The following ADAMTS12 variants were observed in gnomAD, a reference collection of about 807,000 sequenced individuals.
The protein encoded by ADAMTS12 is ADAM metallopeptidase with thrombospondin type 1 motif 12.
Under a neutral mutation model 167.8 loss-of-function variants are expected in ADAMTS12, and 118 were observed. That is an observed-to-expected ratio of 0.70 (90% CI 0.61 to 0.82). The LOEUF is 0.82. ADAMTS12 is among the 40% of genes least tolerant of loss of function. ADAMTS12 has a pLI of 0.00. For synonymous variants in ADAMTS12, 704 were observed against 716.9 expected (o/e 0.98, Z 0.29); for missense variants, 1,916 against 1,998.8 (o/e 0.96, Z 0.79).
chr5:33,573,515 A>T (rs1746502661), intron 19 of ADAMTS12, among the ~76,000 whole-genome samples: 1 of 152,184 alleles, frequency 6.6e-6, no homozygotes, highest in Admixed American at 6.5e-5. Context: ...CTATTTAATA[A>T]ATGGTGCTGG....
intron 2 of ADAMTS12, among the ~76,000 whole-genome samples, chr5:33,853,391 C>T (rs914092409): frequency 6.6e-6 from 1 of 152,108 alleles, no homozygotes; most frequent in Admixed American, 6.5e-5. Context: ...ACTCATCAAG[C>T]AGACAAGAAT....
intron 2 of ADAMTS12, among the ~76,000 whole-genome samples, chr5:33,785,029 T>C (rs998146030): frequency 2.1e-4 from 32 of 152,152 alleles, no homozygotes; most frequent in Non-Finnish European, 2.8e-4. Context: ...CATAGGTTAA[T>C]TAATTTTGAA....
At chr5:33,825,216 G>C (rs941533207) in intron 2 of ADAMTS12, among the ~76,000 whole-genome samples, 4 of 152,156 alleles carry the variant, frequency 2.6e-5, no homozygotes, top group Non-Finnish European at 1.5e-5. Flanking sequence ...AGGTCTCTTT[G>C]TGGAGGTGGC....
At chr5:33,553,091 G>A (rs1182335140) in intron 20 of ADAMTS12, among the ~76,000 whole-genome samples, 3 of 151,970 alleles carry the variant, frequency 2.0e-5, no homozygotes, top group Non-Finnish European at 2.9e-5. Flanking sequence ...AGACATACAC[G>A]CGGTCAACAA....
At chr5:33,581,328 C>A (rs1747053367) in intron 18 of ADAMTS12, among the ~76,000 whole-genome samples, 1 of 152,188 alleles carries the variant, frequency 6.6e-6, no homozygotes, top group African/African-American at 2.4e-5. Flanking sequence ...AACCTGTTAA[C>A]CTGCTCTTTG....
chr5:33,652,473 G>A (rs533968905), intron 7 of ADAMTS12, among the ~76,000 whole-genome samples: 3 of 151,898 alleles, frequency 2.0e-5, no homozygotes, highest in African/African-American at 7.2e-5. Flanking sequence ...TTTTTAATGG[G>A]GTTGTTTATT....
chr5:33,883,192 G>A (rs1750512419), intron 1 of ADAMTS12, among the ~76,000 whole-genome samples: 1 of 152,064 alleles, frequency 6.6e-6, no homozygotes. Context: ...CCAGAATCTT[G>A]CACATCACAG....
intron 2 of ADAMTS12, among the ~76,000 whole-genome samples, chr5:33,827,710 A>AATAGATAGATAGATAG (rs60023282): frequency 1.0e-5 from 1 of 99,004 alleles, no homozygotes; most frequent in Non-Finnish European, 2.4e-5. Context: ...GAGAAAACAA[A>AATAGATAGATAGATAG]ATAGATAGAT....
intron 2 of ADAMTS12, among the ~76,000 whole-genome samples, chr5:33,879,611 C>A (rs1750356151): frequency 6.6e-6 from 1 of 152,156 alleles, no homozygotes; most frequent in Non-Finnish European, 1.5e-5. Flanking sequence ...ATTCACCATT[C>A]TTGATTTTCT....
At chr5:33,600,092 T>C (rs1230487799) in intron 16 of ADAMTS12, among the ~76,000 whole-genome samples, 7 of 152,234 alleles carry the variant, frequency 4.6e-5, no homozygotes, top group Non-Finnish European at 1.0e-4. Flanking sequence ...CAGCACTAAG[T>C]TAACTGTTTA....
At chr5:33,703,525 CTT>C (rs1743077043) in intron 3 of ADAMTS12, among the ~76,000 whole-genome samples, 2 of 152,230 alleles carry the variant, frequency 1.3e-5, no homozygotes, top group African/African-American at 4.8e-5. Flanking sequence ...ATAATTGAAA[CTT>C]TGCACTCTTT....
At chr5:33,816,940 TA>T (rs1747679412) in intron 2 of ADAMTS12, among the ~76,000 whole-genome samples, 2 of 152,188 alleles carry the variant, frequency 1.3e-5, no homozygotes, top group Admixed American at 1.3e-4. Context: ...CCAAGCAACA[TA>T]AACTATTGTT....
intron 18 of ADAMTS12, among the ~76,000 whole-genome samples, chr5:33,579,172 A>G (rs953369037): frequency 6.6e-6 from 1 of 152,178 alleles, no homozygotes; most frequent in Non-Finnish European, 1.5e-5. Flanking sequence ...TCTGTGCTCC[A>G]TCTATTTTAG....
intron 9 of ADAMTS12, among the ~76,000 whole-genome samples, chr5:33,644,213 CCTCTCCTTT>C (rs1433035012): frequency 6.6e-6 from 1 of 152,190 alleles, no homozygotes; most frequent in Non-Finnish European, 1.5e-5. Flanking sequence ...CTAAATTTTG[CCTCTCCTTT>C]CTCTCCTTTT....
chr5:33,632,734 A>C (rs1399509668), intron 12 of ADAMTS12, among the ~76,000 whole-genome samples: 1 of 152,200 alleles, frequency 6.6e-6, no homozygotes, highest in Non-Finnish European at 1.5e-5. Context: ...TCCAAGGATT[A>C]TTTTATTAAG....
rs116261743 is a variant in ADAMTS12, at chr5:33,773,335, C to T, written c.490-21787G>A. Among the ~76,000 whole-genome samples, 243 of 152,284 alleles carry T rather than the reference C, an allele frequency of 1.6e-3. 3 individuals carry two copies. The highest frequency in any genetic ancestry group is 5.3e-3 in the African/African-American group (219 of 41,566). Reference sequence around the variant, plus strand: ...AGAGAAGTTTTCATAGCCTTAAGAACCACATTCCCTTCTGTTTTCACTCTT... The same window carrying T: ...AGAGAAGTTTTCATAGCCTTAAGAATCACATTCCCTTCTGTTTTCACTCTT... On this transcript the variant is annotated intron_variant, in intron 2 of 23. Transcript: ENST00000504830.
chr5:33,636,550 C>T (rs1740201298), intron 12 of ADAMTS12, among the ~76,000 whole-genome samples: 1 of 152,144 alleles, frequency 6.6e-6, no homozygotes, highest in African/African-American at 2.4e-5. Flanking sequence ...ATTTTGGAGA[C>T]CTGAGCTGAG....
intron 3 of ADAMTS12, among the ~76,000 whole-genome samples, chr5:33,686,222 C>T (rs180861835): frequency 1.3e-5 from 2 of 152,284 alleles, no homozygotes; most frequent in Non-Finnish European, 2.9e-5. Flanking sequence ...CCCTTGGCCC[C>T]CGCAGGCTCA....
intron 3 of ADAMTS12, among the ~76,000 whole-genome samples, chr5:33,708,025 G>A (rs1743260778): frequency 1.3e-5 from 2 of 151,998 alleles, no homozygotes; most frequent in South Asian, 4.2e-4. Flanking sequence ...CAGAATGGGA[G>A]AAAATTTTTG....
Sources: allele counts gnomAD v4.1 joint callset (sites outside exome capture counted in the v4.1 genomes callset), GRCh38; gene constraint gnomAD v4.1.1; transcripts MANE v1.5; gene names NCBI Gene and HGNC (gene_info 2026-07-23, HGNC 2026-07-21).